The following GLYR1 variants were observed in gnomAD, a reference collection of about 807,000 sequenced individuals.
GLYR1 encodes the protein glyoxylate reductase 1 homolog.
Under a neutral mutation model 72.7 loss-of-function variants are expected in GLYR1, and 21 were observed. The ratio of observed to expected loss-of-function variants is 0.29; its 90% CI spans 0.20 to 0.42. The LOEUF is 0.42. GLYR1 is among the 10% of genes least tolerant of loss of function. The pLI, the probability that GLYR1 is intolerant of heterozygous loss-of-function variation, is 1.00. For missense variants in GLYR1, 594 were observed against 712.1 expected (o/e 0.83, Z 1.89); for synonymous variants, 392 against 270.2 (o/e 1.45, Z -4.42).
chr16:4,822,440 G>C (rs1170721251), intron 7 of GLYR1, among the ~76,000 whole-genome samples: 1 of 151,790 alleles, frequency 6.6e-6, no homozygotes, highest in Non-Finnish European at 1.5e-5. Context: ...GCCCAGTCTG[G>C]AGTGCAGCGA....
At chr16:4,812,790 C>T (rs1036341384) in intron 12 of GLYR1, among the ~76,000 whole-genome samples, 6 of 151,124 alleles carry the variant, frequency 4.0e-5, no homozygotes, top group Middle Eastern at 3.4e-3. Context: ...CACGCCTGGC[C>T]GGAATTTTTT....
chr16:4,840,038 C>G (rs527759922), intron 3 of GLYR1: 1 of 152,208 alleles, frequency 6.6e-6, no homozygotes. Flanking sequence ...GTGTTAAAGG[C>G]GAGGTGCAGT....
rs773874278 is a variant in GLYR1 at position 4,845,172 on chromosome 16, GA to G, written c.76-20del. The G allele has an allele frequency of 2.3e-5, 36 of 1,599,566 alleles. No individual in the cohort carries two copies. Among genetic ancestry groups the G allele is most frequent in the South Asian group, 5.5e-5 (5 of 90,738 alleles). On this transcript the variant is annotated intron_variant, in intron 2 of 15. Coordinates refer to ENST00000321919, the MANE Select transcript of GLYR1 (RefSeq NM_032569.4). The stretch of plus-strand genomic sequence containing the variant: ...TAACAATCTGGAGGATAAAAGGGGG[GA>G]AAAAGGTTGGCTGGCAACACAGCAG...
At chr16:4,817,999 G>A (rs955749748) in intron 9 of GLYR1, 1 of 254,886 alleles carries the variant, frequency 3.9e-6, no homozygotes, top group Non-Finnish European at 7.3e-6. Context: ...TCCCCTTGCT[G>A]CCCTTTTTTT....
chr16:4,839,872 A>G (rs1045907193), intron 3 of GLYR1: 4 of 152,154 alleles, frequency 2.6e-5, no homozygotes, highest in African/African-American at 7.2e-5. Flanking sequence ...TAGTGTGTCA[A>G]TTTTGAAACT....
rs192347354 is a variant in GLYR1, at chr16:4,818,704, T to C, written c.807-1007A>G. Among the ~76,000 whole-genome samples, 418 of 152,294 alleles carry C rather than the reference T, an allele frequency of 2.7e-3. 2 individuals carry two copies. The highest frequency in any genetic ancestry group is 4.5e-3 in the Non-Finnish European group (307 of 68,028). On this transcript the variant is annotated intron_variant, in intron 9 of 15. Transcript: ENST00000321919. ...GCAATTTTCACCTCTCTTTCCCAAC[T>C]TCAATTCTCTACCCACACCCTACCT... is the stretch of plus-strand genomic sequence containing the variant.
In GLYR1 at chr16:4,807,103, G is replaced by GC. The variant is rs375487716; in HGVS notation, c.1588-1794dup. Among the ~76,000 whole-genome samples, 484 of 139,608 alleles carry GC rather than the reference G, an allele frequency of 3.5e-3. 15 individuals are homozygous for GC. The highest frequency in any genetic ancestry group is 6.4e-3 in the African/African-American group (240 of 37,472). The allele number at this position is 139,608 out of a possible 152,430, so 91.6% of individuals were successfully genotyped here. ...TTACAGGCGTGAGCCACTGCGCCTGGCCCCTTTTTTTTTTTTTTTTTTTTT... is the reference window on the plus strand; with the variant it reads ...TTACAGGCGTGAGCCACTGCGCCTGGCCCCCTTTTTTTTTTTTTTTTTTTTT... On this transcript the variant is annotated intron_variant, in intron 15 of 15. Transcript: ENST00000321919.
rs2083304587 is a variant in GLYR1, at chr16:4,811,154, GC to G, written c.1587+15del. The G allele has an allele frequency of 6.2e-7, 1 of 1,609,948 alleles. No individual in the cohort carries two copies. The highest frequency in any genetic ancestry group is 1.1e-5 in the South Asian group (1 of 90,388). ...GAAACTGAAGGGCCTTGGGGCTTGG[GC>G]CACATCTACCCTACCTCATTTGCTG... On this transcript the variant is annotated intron_variant, in intron 15 of 15. Transcript: ENST00000321919.
At chr16:4,831,877 A>C in intron 5 of GLYR1, 102 bp downstream of exon 5, 2 of 1,470,154 alleles carry the variant, frequency 1.4e-6, no homozygotes, top group Non-Finnish European at 1.8e-6. Flanking sequence ...CTCCATGAGC[A>C]GAGTATAGAT....
In GLYR1 at chr16:4,814,521, G is replaced by A. The variant is rs768007389; in HGVS notation, c.1017+16C>T. ...CTGTGACCCGGAGTTGCTGAGGGGAGGGAGGGGGTCCTTACGTCCTTGGCC... is the reference window on the plus strand; with the variant it reads ...CTGTGACCCGGAGTTGCTGAGGGGAAGGAGGGGGTCCTTACGTCCTTGGCC... On this transcript the variant is annotated intron_variant, in intron 11 of 15. Coordinates refer to ENST00000321919, the MANE Select transcript of GLYR1 (RefSeq NM_032569.4). 20 of 1,602,646 alleles carry A rather than the reference G, an allele frequency of 1.2e-5. No homozygotes were observed. The East Asian group carries it at 2.0e-4, about 16-fold the overall frequency.
At chr16:4,839,230 AC>A (rs1266199440) in intron 3 of GLYR1, 1 of 152,290 alleles carries the variant, frequency 6.6e-6, no homozygotes, top group East Asian at 1.9e-4. Flanking sequence ...AAAGGTGAGA[AC>A]AAGCCGGCAT....
chr16:4,829,929 T>C (rs964131495), intron 5 of GLYR1, among the ~76,000 whole-genome samples: 45 of 152,134 alleles, frequency 3.0e-4, no homozygotes, highest in Non-Finnish European at 6.5e-4. Flanking sequence ...TGCCTCGGCC[T>C]CCCAAAGTGC....
At chr16:4,818,735 G>A (rs774782616) in intron 9 of GLYR1, among the ~76,000 whole-genome samples, 2 of 151,910 alleles carry the variant, frequency 1.3e-5, no homozygotes, top group African/African-American at 4.8e-5. Flanking sequence ...TACCTTTCCC[G>A]TCTTCCCGTT....
intron 15 of GLYR1, among the ~76,000 whole-genome samples, chr16:4,805,835 G>A (rs1325049745): frequency 6.6e-6 from 1 of 151,878 alleles, no homozygotes; most frequent in East Asian, 1.9e-4. Context: ...CAAAAAATTA[G>A]CCGGGCATGG....
intron 3 of GLYR1, among the ~76,000 whole-genome samples, chr16:4,838,652 T>G (rs2085324116): frequency 6.6e-6 from 1 of 151,882 alleles, no homozygotes; most frequent in African/African-American, 2.4e-5. Context: ...AGTGGCGCGA[T>G]CTCGACTTAC....
intron 3 of GLYR1, chr16:4,843,583 A>C: frequency 7.8e-7 from 1 of 1,289,166 alleles, no homozygotes; most frequent in African/African-American, 1.5e-5. Context: ...CTTGTGATAG[A>C]GAAATGGGGC....
At chr16:4,844,509 C>T (rs1368046577) in intron 3 of GLYR1, among the ~76,000 whole-genome samples, 6 of 152,196 alleles carry the variant, frequency 3.9e-5, no homozygotes, top group East Asian at 3.9e-4. Context: ...CAGTGGCTCA[C>T]GCCTATAATC....
intron 7 of GLYR1, 65 bp from the exon 8 acceptor site, chr16:4,821,662 C>A: frequency 1.4e-6 from 2 of 1,477,296 alleles, no homozygotes; most frequent in East Asian, 2.3e-5. Flanking sequence ...TCATAATAAT[C>A]CCCTCAAAGG....
intron 5 of GLYR1, 86 bp downstream of exon 5, chr16:4,831,893 T>C (rs1299591687): frequency 1.3e-6 from 2 of 1,512,916 alleles, no homozygotes; most frequent in African/African-American, 1.4e-5. Context: ...TAGATAAGCA[T>C]ACTACATAAG....
Sources: allele counts gnomAD v4.1 joint callset (sites outside exome capture counted in the v4.1 genomes callset), GRCh38; gene constraint gnomAD v4.1.1; transcripts MANE v1.5; gene names NCBI Gene and HGNC (gene_info 2026-07-23, HGNC 2026-07-21).